The following DCTN1 variants were observed in gnomAD, a reference collection of about 807,000 sequenced individuals.
DCTN1 encodes 150 kDa dynein-associated polypeptide.
In DCTN1, 61 loss-of-function variants were observed where a neutral mutation model predicts 161.2. The ratio of observed to expected loss-of-function variants is 0.38; its 90% CI spans 0.31 to 0.47. DCTN1 has a LOEUF of 0.47. Among genes scored for constraint, DCTN1 ranks in the 20% least tolerant of loss-of-function variants. The probability of loss-of-function intolerance (pLI) is 0.99; values close to 1 mark genes in which losing one functional copy is unlikely to be tolerated. For synonymous variants in DCTN1, 653 were observed against 632.4 expected, an observed-to-expected ratio of 1.03 and a Z score of -0.49; for missense variants, 1,404 against 1,623.7, an observed-to-expected ratio of 0.86 and a Z score of 2.33.
At chr2:74,388,838 C>T (rs552886361) in intron 1 of DCTN1, among the ~76,000 whole-genome samples, 1 of 152,314 alleles carries the variant, frequency 6.6e-6, no homozygotes, top group South Asian at 2.1e-4. Flanking sequence ...ACAGCTTTCC[C>T]TGAGAGTAGC....
chr2:74,383,689 T>C (rs1675607531), upstream of DCTN1: 1 of 152,172 alleles, frequency 6.6e-6, no homozygotes, highest in Non-Finnish European at 1.5e-5. Flanking sequence ...GGCCTTGTAA[T>C]AGATCAAACA....
At chr2:74,383,836 A>T (rs1675614649), upstream of DCTN1, 1 of 152,236 alleles carries the variant, frequency 6.6e-6, no homozygotes, top group Non-Finnish European at 1.5e-5. Flanking sequence ...ATGTTACCTC[A>T]CAGGGACATT....
chr2:74,364,666 AAC>A (rs1355226908), intron 26 of DCTN1: 2 of 310,748 alleles, frequency 6.4e-6, no homozygotes, highest in South Asian at 6.2e-5. Context: ...TCAGTGAGAA[AAC>A]ACAGTGTCCA....
intron 26 of DCTN1, 190 bp downstream of exon 26, chr2:74,364,885 G>C: frequency 1.4e-6 from 1 of 692,744 alleles, no homozygotes; most frequent in Non-Finnish European, 2.5e-6. Context: ...CCTTTGCCCA[G>C]AGAAACTCAG....
Position 74,369,024 on chromosome 2 carries a change from C to T in DCTN1, c.1701+74G>A. On this transcript the variant is annotated intron_variant, in intron 15 of 31. Transcript: ENST00000628224. The surrounding 1 kb of genome is among the most constrained non-coding windows in gnomAD (Gnocchi z 4.9). ...CCACCACACAAAGCACCCCTTCCCC[C>T]AGGAATCTGAAGCCCAGACCCCATA... The T allele has an allele frequency of 6.4e-7, 1 of 1,569,746 alleles. No individual in the cohort carries two copies. The highest frequency in any genetic ancestry group is 2.3e-5 in the East Asian group (1 of 44,142).
intron 1 of DCTN1, among the ~76,000 whole-genome samples, chr2:74,387,496 AAAAC>A (rs770823780): frequency 6.8e-4 from 103 of 152,316 alleles, no homozygotes; most frequent in East Asian, 1.2e-3. Flanking sequence ...TCCCCCACCA[AAAAC>A]AAACAAACAA....
chr2:74,361,271 A>G lies in DCTN1; in HGVS notation c.*228T>C, dbSNP rs772783174. 3 of 685,644 alleles carry G rather than the reference A, an allele frequency of 4.4e-6. No individual in the cohort carries two copies. In the South Asian group the frequency reaches 4.5e-5, roughly 10 times the overall value. 42.5% of individuals were successfully genotyped at this position (685,644 alleles called of 1,614,324 possible). On this transcript the variant is annotated 3_prime_UTR_variant, in exon 32 of 32. Transcript: ENST00000628224. ...CCACAAGCCCTGAGGCCCCTCAGGA[A>G]GGAGGGAGCAGTTGAACAACAAATT...
rs774125950 is a variant in DCTN1 at position 74,369,471 on chromosome 2, G to A, written c.1413C>T (p.Asn471=). 1.3e-5 allele frequency: 21 copies of A among 1,613,578 alleles called. No individual in the cohort carries two copies. The highest frequency in any genetic ancestry group is 1.1e-4 in the South Asian group (10 of 91,090). ...VGDLEAMNEM[N]DELQENARET... The stretch of plus-strand genomic sequence containing the variant: ...CACGTGCATTCTCCTGCAGCTCATC[G>A]TTCATCTCATTCATCGCTTCCTAGG... Residue 471 remains asparagine, a synonymous_variant, in exon 14 of 32, where the codon AAC becomes AAT. Coordinates refer to ENST00000628224, the MANE Select transcript of DCTN1 (RefSeq NM_004082.5). This position sits in a 1 kb window ranked among gnomAD's most constrained non-coding sequence, Gnocchi z 4.9.
chr2:74,378,797 C>T (rs192939968), intron 1 of DCTN1: 3 of 166,544 alleles, frequency 1.8e-5, no homozygotes, highest in Admixed American at 1.7e-4. Flanking sequence ...ACCCTTAAGT[C>T]ACCACCTCTC....
Position 74,377,745 on chromosome 2 carries a change from T to C in DCTN1, c.280-19A>G, listed in dbSNP as rs747687955. The stretch of plus-strand genomic sequence containing the variant: ...CCTGGATCTGAGGCCAGATTCAATA[T>C]AGCCAGATCAATAGTTTCAATATAG... On this transcript the variant is annotated intron_variant, in intron 2 of 31. Coordinates refer to ENST00000628224, the MANE Select transcript of DCTN1 (RefSeq NM_004082.5). 6.2e-6 allele frequency: 10 copies of C among 1,606,158 alleles called. No individual in the cohort carries two copies. The South Asian group carries it at 7.7e-5, about 12-fold the overall frequency.
chr2:74,366,949 A>C lies in DCTN1; in HGVS notation c.2317-17T>G. 1.2e-6 allele frequency: 2 copies of C among 1,614,228 alleles called. No individual in the cohort carries two copies. Among genetic ancestry groups the C allele is most frequent in the Non-Finnish European group, 1.7e-6 (2 of 1,180,038 alleles). On this transcript the variant is annotated splice_polypyrimidine_tract_variant and intron_variant, in intron 20 of 31. Coordinates refer to ENST00000628224, the MANE Select transcript of DCTN1 (RefSeq NM_004082.5). Reference sequence around the variant, plus strand: ...CTGCCCACCCTACTCAGGAAAAAGAAAATGGATGGAGAACCAAGTTAGCAT... The same window carrying C: ...CTGCCCACCCTACTCAGGAAAAAGACAATGGATGGAGAACCAAGTTAGCAT...
chr2:74,375,930 C>T (rs559639757), intron 5 of DCTN1, among the ~76,000 whole-genome samples: 18 of 152,258 alleles, frequency 1.2e-4, no homozygotes, highest in African/African-American at 2.4e-4. Context: ...GATAGGCTGA[C>T]GACAAGGAAA....
chr2:74,364,126 G>A lies in DCTN1; in HGVS notation c.3197-498C>T, dbSNP rs547785342. The A allele has an allele frequency of 3.7e-5, 7 of 191,696 alleles. No homozygotes were observed. In the South Asian group the frequency reaches 7.5e-4, roughly 21 times the overall value. The allele number at this position is 191,696 out of a possible 1,614,324, so 11.9% of individuals were successfully genotyped here. A position where few individuals can be genotyped will look rare whatever the true frequency, so the allele number is the denominator to read the frequency against. On this transcript the variant is annotated intron_variant, in intron 26 of 31. Transcript: ENST00000628224. ...GGAAGTTTCATAAATTCAGAACTAT[G>A]TTTGTTTAAAGAGTGCTAATGTTTG...
upstream of DCTN1, among the ~76,000 whole-genome samples, chr2:74,381,525 C>T (rs1004711476): frequency 1.3e-5 from 2 of 152,198 alleles, no homozygotes; most frequent in Non-Finnish European, 2.9e-5. Flanking sequence ...ATCTCCATGT[C>T]GCCCCCTCCT....
chr2:74,365,763 C>T lies in DCTN1; in HGVS notation c.2887-106G>A, dbSNP rs1573149534. The T allele has an allele frequency of 5.6e-6, 9 of 1,610,470 alleles. No homozygotes were observed. The East Asian group carries it at 2.0e-4, about 36-fold the overall frequency. On this transcript the variant is annotated intron_variant, in intron 24 of 31. Coordinates refer to ENST00000628224, the MANE Select transcript of DCTN1 (RefSeq NM_004082.5). ...GGTTCCCTGAGGGCTCACCACAGCT[C>T]CCATTGATTGCAGGCCCCACTTCTC... is the stretch of plus-strand genomic sequence containing the variant.
chr2:74,382,016 T>C (rs1003118777), upstream of DCTN1, among the ~76,000 whole-genome samples: 17 of 151,850 alleles, frequency 1.1e-4, no homozygotes, highest in African/African-American at 4.1e-4. Context: ...CTGTGAGGAG[T>C]AGAGCCAAAA....
Position 74,365,107 on chromosome 2 carries a change from C to T in DCTN1, c.3164G>A (p.Gly1055Asp). 1 of 1,614,134 alleles carries T rather than the reference C, an allele frequency of 6.2e-7. No homozygotes were observed. Residue 1055 changes from glycine to aspartate, a missense_variant, in exon 26 of 32, where the codon GGC becomes GAC. Around this residue, in one of 9 missense-constraint regions of DCTN1, gnomAD observed 311 missense variants for 298.9 expected, o/e 1.04. Transcript: ENST00000628224. ...IEGLRGPPPS[G>D]IATLVSGIAG... Reference sequence around the variant, plus strand: ...AATGCCAGAGACCAGAGTAGCAATGCCTGAAGGAGGAGGGCCCCGGAGTCC... The same window carrying T: ...AATGCCAGAGACCAGAGTAGCAATGTCTGAAGGAGGAGGGCCCCGGAGTCC...
At chr2:74,382,541 C>T (rs1249084575), upstream of DCTN1, among the ~76,000 whole-genome samples, 2 of 144,242 alleles carry the variant, frequency 1.4e-5, no homozygotes, top group African/African-American at 5.2e-5. Flanking sequence ...GTGAAGGTTG[C>T]AGTGAGCCAA....
intron 5 of DCTN1, among the ~76,000 whole-genome samples, chr2:74,375,851 G>A (rs1675191034): frequency 6.6e-6 from 1 of 152,152 alleles, no homozygotes; most frequent in South Asian, 2.1e-4. Flanking sequence ...CCTGGAAAAG[G>A]AGATGTTTTC....
Sources: allele counts gnomAD v4.1 joint callset (sites outside exome capture counted in the v4.1 genomes callset), GRCh38; gene constraint gnomAD v4.1.1; regional missense constraint gnomAD v4.1.1; non-coding constraint Gnocchi (gnomAD v3.1); transcripts MANE v1.5; gene names NCBI Gene and HGNC (gene_info 2026-07-23, HGNC 2026-07-21).